Variants in PRKDC observed in about 807,000 individuals in gnomAD.
PRKDC encodes the protein protein kinase, DNA-activated, catalytic subunit.
Under a neutral mutation model 486.9 loss-of-function variants are expected in PRKDC, and 82 were observed. The ratio of observed to expected loss-of-function variants is 0.17; its 90% CI spans 0.14 to 0.20. The LOEUF is 0.20. PRKDC is among the 10% of genes least tolerant of loss of function. The pLI is 1.00. For missense variants in PRKDC, 4,504 were observed against 5,038.2 expected, an observed-to-expected ratio of 0.89 and a Z score of 3.21; for synonymous variants, 1,895 against 1,837.0, an observed-to-expected ratio of 1.03 and a Z score of -0.81.
chr8:47,773,201 A>C lies in PRKDC; in HGVS notation c.*972T>G, dbSNP rs145042353. ...ATACAAGTGTTAGAAGGAAAAAAAA[A>C]AACAACAAAAAGCTAAAAGCCAATC... On this transcript the variant is annotated 3_prime_UTR_variant, in exon 86 of 86. Coordinates refer to ENST00000314191, the MANE Select transcript of PRKDC (RefSeq NM_006904.7). 435 of 220,842 alleles carry C rather than the reference A, an allele frequency of 2.0e-3. 2 individuals carry two copies. Among genetic ancestry groups the C allele is most frequent in the Non-Finnish European group, 3.4e-3 (366 of 109,026 alleles). The allele number at this position is 220,842 out of a possible 1,614,324, so 13.7% of individuals were successfully genotyped here.
intron 76 of PRKDC, among the ~76,000 whole-genome samples, chr8:47,787,795 G>A (rs572405446): frequency 6.6e-6 from 1 of 152,322 alleles, no homozygotes; most frequent in African/African-American, 2.4e-5. Context: ...CTAGGCTGGA[G>A]GCTATGTGGA....
At chr8:47,837,662 G>A (rs2088057572) in intron 56 of PRKDC, among the ~76,000 whole-genome samples, 1 of 151,858 alleles carries the variant, frequency 6.6e-6, no homozygotes, top group Non-Finnish European at 1.5e-5. Context: ...GGAGAAACTG[G>A]GTGATTTTAT....
At chr8:47,919,164 G>A (rs562144295) in intron 21 of PRKDC, among the ~76,000 whole-genome samples, 2 of 152,120 alleles carry the variant, frequency 1.3e-5, no homozygotes, top group African/African-American at 4.8e-5. Flanking sequence ...GCACCACTCC[G>A]AGTTCAGCAT....
At chr8:47,835,979 G>A (rs2088012785) in intron 58 of PRKDC, among the ~76,000 whole-genome samples, 1 of 152,122 alleles carries the variant, frequency 6.6e-6, no homozygotes, top group Non-Finnish European at 1.5e-5. Flanking sequence ...TGTTGCCCAG[G>A]CTGGTGCGGA....
chr8:47,866,422 C>T (rs1408888439), intron 40 of PRKDC, among the ~76,000 whole-genome samples: 1 of 152,150 alleles, frequency 6.6e-6, no homozygotes, highest in Non-Finnish European at 1.5e-5. Context: ...CTCATTTTCT[C>T]TTGAGGAGCT....
rs150080583 is a variant in PRKDC at position 47,816,326 on chromosome 8, G to A, written c.9557+1124C>T. On this transcript the variant is annotated intron_variant, in intron 68 of 85. Transcript: ENST00000314191. The stretch of plus-strand genomic sequence containing the variant: ...CACCTGAGTCCCACCATGAGGAAAC[G>A]TAAGACAAACCCAAACAGAGGAACA... Among the ~76,000 whole-genome samples the A allele has an allele frequency of 1.5e-3, 231 of 152,238 alleles. 1 individual carries two copies. Among genetic ancestry groups the A allele is most frequent in the African/African-American group, 5.1e-3 (211 of 41,540 alleles).
At chr8:47,790,526 A>C (rs2154497832) in intron 74 of PRKDC, among the ~76,000 whole-genome samples, 1 of 152,222 alleles carries the variant, frequency 6.6e-6, no homozygotes, top group East Asian at 1.9e-4. Flanking sequence ...TCAAAATACC[A>C]ATGACATTCT....
rs541385543 is a variant in PRKDC, at chr8:47,796,929, T to A, written c.10458+1308A>T. 1.3e-4 allele frequency among the ~76,000 whole-genome samples: 20 copies of A among 152,316 alleles called. No individual in the cohort carries two copies. The East Asian group carries it at 3.7e-3, about 28-fold the overall frequency. ...AACTTTGTATACGGTATTTTCTTTT[T>A]CTGTATAGAAGTCAAACTATTTTCC... On this transcript the variant is annotated intron_variant, in intron 73 of 85. Coordinates refer to ENST00000314191, the MANE Select transcript of PRKDC (RefSeq NM_006904.7).
chr8:47,957,482 T>TAA, intron 1 of PRKDC, 51 bp from the exon 2 acceptor site: 1 of 1,403,286 alleles, frequency 7.1e-7, no homozygotes, highest in East Asian at 2.5e-5. Flanking sequence ...GAGCATCATG[T>TAA]AAACCACTCC....
At chr8:47,774,495 G>T in intron 85 of PRKDC, 118 bp from the exon 86 acceptor site, 1 of 984,486 alleles carries the variant, frequency 1.0e-6, no homozygotes, top group Non-Finnish European at 1.5e-6. Flanking sequence ...AGTATTTTCT[G>T]TGGCTTATAA....
chr8:47,903,495 T>C (rs961895053), intron 26 of PRKDC, among the ~76,000 whole-genome samples: 12 of 152,198 alleles, frequency 7.9e-5, no homozygotes, highest in African/African-American at 2.4e-4. Context: ...CAGAGGTAAT[T>C]AGAATCCAAA....
At chr8:47,800,321 A>T (rs1039340994) in intron 71 of PRKDC, among the ~76,000 whole-genome samples, 6 of 152,244 alleles carry the variant, frequency 3.9e-5, no homozygotes, top group Admixed American at 3.3e-4. Flanking sequence ...ACATGGATGA[A>T]ATTGGAAATC....
intron 61 of PRKDC, among the ~76,000 whole-genome samples, chr8:47,829,567 ATT>A (rs1563755862): frequency 6.6e-6 from 1 of 152,142 alleles, no homozygotes; most frequent in Non-Finnish European, 1.5e-5. Context: ...TTTATTCCTT[ATT>A]GTTTATTTTA....
intron 21 of PRKDC, chr8:47,926,954 G>A: frequency 2.3e-6 from 1 of 428,180 alleles, no homozygotes; most frequent in Non-Finnish European, 4.1e-6. Context: ...TGTCTTTGAA[G>A]ATTTTATAAA....
At chr8:47,849,589 T>C in intron 52 of PRKDC, 86 bp from the exon 53 acceptor site, 5 of 1,454,366 alleles carry the variant, frequency 3.4e-6, no homozygotes, top group Non-Finnish European at 9.3e-7. Flanking sequence ...AGTATTTAAG[T>C]GAGCCCAACA....
intron 63 of PRKDC, among the ~76,000 whole-genome samples, chr8:47,825,338 A>G (rs2087711387): frequency 6.6e-6 from 1 of 151,940 alleles, no homozygotes; most frequent in Non-Finnish European, 1.5e-5. Context: ...GTGAAACCCC[A>G]TCTCTACTAA....
intron 25 of PRKDC, among the ~76,000 whole-genome samples, chr8:47,910,964 T>A (rs962091397): frequency 6.6e-6 from 1 of 152,242 alleles, no homozygotes; most frequent in Non-Finnish European, 1.5e-5. Flanking sequence ...TTATAATTCA[T>A]CAGCTTTTTC....
At chr8:47,860,060 T>C (rs564729454) in intron 45 of PRKDC, among the ~76,000 whole-genome samples, 1 of 152,224 alleles carries the variant, frequency 6.6e-6, no homozygotes, top group African/African-American at 2.4e-5. Flanking sequence ...ATGATGTACA[T>C]TTTGCCCATT....
intron 60 of PRKDC, 63 bp downstream of exon 60, chr8:47,831,751 C>T: frequency 6.4e-7 from 1 of 1,554,178 alleles, no homozygotes; most frequent in Non-Finnish European, 8.9e-7. Flanking sequence ...AGCCTGTTCA[C>T]TTCGTCTGTA....
Sources: allele counts gnomAD v4.1 joint callset (sites outside exome capture counted in the v4.1 genomes callset), GRCh38; gene constraint gnomAD v4.1.1; transcripts MANE v1.5; gene names NCBI Gene and HGNC (gene_info 2026-07-23, HGNC 2026-07-21).